Variants in MAP3K7 observed in about 807,000 individuals in gnomAD.
MAP3K7 encodes mitogen-activated protein kinase kinase kinase 7.
In MAP3K7, 21 loss-of-function variants were observed where a neutral mutation model predicts 84.8. The ratio of observed to expected loss-of-function variants is 0.25; its 90% CI spans 0.18 to 0.36. MAP3K7 has a LOEUF of 0.36. MAP3K7 is among the 10% of genes least tolerant of loss of function. The pLI, the probability that MAP3K7 is intolerant of heterozygous loss-of-function variation, is 1.00. For synonymous variants in MAP3K7, 241 were observed against 247.7 expected (o/e 0.97, Z 0.25); for missense variants, 503 against 747.7 (o/e 0.67, Z 3.82).
chr6:90,572,527 A>G lies in MAP3K7; in HGVS notation c.121-720T>C, dbSNP rs151153439. Among the ~76,000 whole-genome samples, 4 of 152,038 alleles carry G rather than the reference A, an allele frequency of 2.6e-5. No individual in the cohort carries two copies. The East Asian group carries it at 7.7e-4, about 29-fold the overall frequency. On this transcript the variant is annotated intron_variant, in intron 1 of 16. Transcript: ENST00000369329. ...TCCGAGGGTGAAAATTAGAATTAAC[A>G]GTAAATGAGTAGCTGGTATCCTGAC...
Position 90,556,588 on chromosome 6 carries a change from A to G in MAP3K7, c.519T>C (p.Ile173=). 2 of 1,613,306 alleles carry G rather than the reference A, an allele frequency of 1.2e-6. No individual in the cohort carries two copies. Among genetic ancestry groups the G allele is most frequent in the Non-Finnish European group, 1.7e-6 (2 of 1,179,668 alleles). ...TGTCACAGGCTGTACCAAAATCACA[A>G]ATTTTTAGAACTGTCCCCCCTGCAA... ...LLVAGGTVLK[I]CDFGTACDIQ... is the part of the protein sequence containing the mutation. Residue 173 remains isoleucine (I), a synonymous_variant, in exon 6 of 17, where the codon ATT becomes ATC. Coordinates refer to ENST00000369329, the MANE Select transcript of MAP3K7 (RefSeq NM_145331.3).
intron 1 of MAP3K7, among the ~76,000 whole-genome samples, chr6:90,586,014 G>A (rs923134152): frequency 3.3e-5 from 5 of 152,162 alleles, no homozygotes; most frequent in Non-Finnish European, 5.9e-5. Flanking sequence ...AGCATTTATT[G>A]AGCATCCCCT....
chr6:90,541,647 T>C (rs1345397932), intron 12 of MAP3K7, among the ~76,000 whole-genome samples: 1 of 151,976 alleles, frequency 6.6e-6, no homozygotes, highest in Non-Finnish European at 1.5e-5. Context: ...AGTCCTAAGG[T>C]ATTAAAGGTT....
chr6:90,578,121 CTTG>C (rs1316958041), intron 1 of MAP3K7, among the ~76,000 whole-genome samples: 8 of 152,234 alleles, frequency 5.3e-5, no homozygotes, highest in African/African-American at 1.9e-4. Context: ...GGAAATTATC[CTTG>C]TTGTGGCAAG....
chr6:90,585,404 T>C (rs1777412635), intron 1 of MAP3K7, among the ~76,000 whole-genome samples: 1 of 152,250 alleles, frequency 6.6e-6, no homozygotes, highest in Non-Finnish European at 1.5e-5. Flanking sequence ...CTCACTACTT[T>C]GAACTTGCTG....
In MAP3K7 at chr6:90,518,464, T is replaced by C; in HGVS notation, c.1623A>G (p.Ala541=). Residue 541 remains alanine, a synonymous_variant, in exon 16 of 17, where the codon GCA becomes GCG. Transcript: ENST00000369329. ...TAACTTACTTTCTCTGTAATAACAA[T>C]GCAATTTCTGTTTGAACTTTCATAT... ...QEYMKVQTEI[A]LLLQRKQELV... The C allele has an allele frequency of 6.4e-7, 1 of 1,564,444 alleles. No homozygotes were observed. Among genetic ancestry groups the C allele is most frequent in the South Asian group, 1.1e-5 (1 of 88,650 alleles).
At chr6:90,564,823 A>G (rs1284968926) in intron 3 of MAP3K7, among the ~76,000 whole-genome samples, 1 of 152,224 alleles carries the variant, frequency 6.6e-6, no homozygotes, top group Non-Finnish European at 1.5e-5. Flanking sequence ...GTTGCAAGTA[A>G]AACACTCCTC....
intron 9 of MAP3K7, among the ~76,000 whole-genome samples, chr6:90,549,985 C>T (rs1776129299): frequency 6.6e-6 from 1 of 152,106 alleles, no homozygotes; most frequent in South Asian, 2.1e-4. Context: ...ATTATTTCTA[C>T]TATCTTTTTG....
At position 90,519,979 on chromosome 6, in the gene MAP3K7, ACAAT is replaced by A. The variant is rs1280578419; in HGVS notation, c.1463-664_1463-661del. Among the ~76,000 whole-genome samples, 9 of 152,156 alleles carry A rather than the reference ACAAT, an allele frequency of 5.9e-5. No individual in the cohort carries two copies. In the East Asian group the frequency reaches 1.5e-3, roughly 26 times the overall value. On this transcript the variant is annotated intron_variant, in intron 14 of 16. Coordinates refer to ENST00000369329, the MANE Select transcript of MAP3K7 (RefSeq NM_145331.3). ...AAAACAGTTAAGTTGATTAATTCAAACAATCAGTCAATTTTATAAAATTATTTGA... is the reference window on the plus strand; with the variant it reads ...AAAACAGTTAAGTTGATTAATTCAAACAGTCAATTTTATAAAATTATTTGA...
At chr6:90,540,963 C>T (rs963141614) in intron 12 of MAP3K7, among the ~76,000 whole-genome samples, 1 of 151,818 alleles carries the variant, frequency 6.6e-6, no homozygotes, top group Non-Finnish European at 1.5e-5. Context: ...TAATCTATTT[C>T]ATTTGTGTAC....
intron 10 of MAP3K7, 124 bp downstream of exon 10, chr6:90,547,923 T>G: frequency 1.3e-6 from 1 of 750,998 alleles, no homozygotes; most frequent in Non-Finnish European, 2.0e-6. Flanking sequence ...TAAGCTCTTT[T>G]GCATGTTTCA....
chr6:90,555,635 C>A (rs1288223376), intron 6 of MAP3K7, among the ~76,000 whole-genome samples: 1 of 152,140 alleles, frequency 6.6e-6, no homozygotes, highest in African/African-American at 2.4e-5. Flanking sequence ...TACAAAAGCA[C>A]AGTTAATTCT....
chr6:90,562,136 T>G (rs1344661436), intron 3 of MAP3K7, among the ~76,000 whole-genome samples: 1 of 152,144 alleles, frequency 6.6e-6, no homozygotes, highest in Non-Finnish European at 1.5e-5. Context: ...TAGGAAAAGC[T>G]CCAGTCTACA....
intron 12 of MAP3K7, among the ~76,000 whole-genome samples, chr6:90,542,880 C>T (rs986138591): frequency 2.0e-5 from 3 of 152,132 alleles, no homozygotes; most frequent in East Asian, 1.9e-4. Context: ...TGTTTAGCAG[C>T]ATCCCTGGTC....
chr6:90,567,602 T>G (rs1294263354), intron 3 of MAP3K7, among the ~76,000 whole-genome samples: 1 of 152,174 alleles, frequency 6.6e-6, no homozygotes, highest in Non-Finnish European at 1.5e-5. Context: ...AGGAACACTT[T>G]TACACCGTTG....
intron 4 of MAP3K7, among the ~76,000 whole-genome samples, chr6:90,561,256 A>G (rs1776503775): frequency 6.6e-6 from 1 of 152,088 alleles, no homozygotes. Flanking sequence ...AAGAAAAAAT[A>G]AAGCAGAGTG....
At chr6:90,551,971 TC>T (rs748123004) in intron 8 of MAP3K7, 77 bp downstream of exon 8, 3 of 1,464,176 alleles carry the variant, frequency 2.0e-6, no homozygotes, top group Non-Finnish European at 2.8e-6. Flanking sequence ...AGTAATAACA[TC>T]CCTTTTAAAA....
At chr6:90,533,672 G>GT (rs755414717) in intron 13 of MAP3K7, among the ~76,000 whole-genome samples, 19 of 152,138 alleles carry the variant, frequency 1.2e-4, no homozygotes, top group Non-Finnish European at 2.8e-4. Context: ...AAGTAGTCTT[G>GT]TTTTGTCTCC....
intron 4 of MAP3K7, among the ~76,000 whole-genome samples, chr6:90,561,285 A>G (rs1291605605): frequency 6.6e-6 from 1 of 152,088 alleles, no homozygotes; most frequent in Non-Finnish European, 1.5e-5. Context: ...ATATGGTTAA[A>G]GAATTCTAAA....
Sources: gnomAD v4.1 joint callset for allele counts (sites outside exome capture counted in the v4.1 genomes callset) on GRCh38, gnomAD v4.1.1 for gene constraint, MANE v1.5 for transcripts, NCBI Gene and HGNC (gene_info 2026-07-23, HGNC 2026-07-21) for gene names.